The following TOP1 variants were observed in gnomAD, a reference collection of about 807,000 sequenced individuals.
TOP1 encodes the protein DNA topoisomerase I, also known as DNA topoisomerase 1.
In TOP1, 10 loss-of-function variants were observed where a neutral mutation model predicts 111.1. The observed-to-expected ratio is 0.09, with a 90% CI of 0.06 to 0.15. The LOEUF is 0.15. Among genes scored for constraint, TOP1 ranks in the 10% least tolerant of loss-of-function variants. The pLI is 1.00. For missense variants in TOP1, 474 were observed against 926.7 expected (o/e 0.51, Z 6.34); for synonymous variants, 271 against 302.9 (o/e 0.89, Z 1.10).
At chr20:41,037,120 G>A (rs772344861) in intron 2 of TOP1, among the ~76,000 whole-genome samples, 3 of 152,060 alleles carry the variant, frequency 2.0e-5, no homozygotes, top group East Asian at 3.9e-4. Flanking sequence ...ATGAGCCACC[G>A]CGCCAAGCCT....
rs2033621356 is a variant in TOP1 at position 41,067,373 on chromosome 20, C to T, written c.155+5883C>T. Among the ~76,000 whole-genome samples the T allele has an allele frequency of 6.6e-6, 1 of 152,176 alleles. No individual in the cohort carries two copies. On this transcript the variant is annotated intron_variant, in intron 3 of 20. Coordinates refer to ENST00000361337, the MANE Select transcript of TOP1 (RefSeq NM_003286.4). This position sits in a 1 kb window ranked among gnomAD's most constrained non-coding sequence, Gnocchi z 4.0. The stretch of plus-strand genomic sequence containing the variant: ...TGGCCTTGTGATCCTCCTGCCTCAG[C>T]CTCCCAAGGTGCTGGGATTACAGGC...
chr20:41,059,376 G>A (rs2033514731), intron 2 of TOP1, among the ~76,000 whole-genome samples: 1 of 150,688 alleles, frequency 6.6e-6, no homozygotes, highest in Non-Finnish European at 1.5e-5. Flanking sequence ...AGAAAAAAAT[G>A]AACACTGGCC....
Position 41,114,496 on chromosome 20 carries a change from CT to C in TOP1, c.1638+345del, listed in dbSNP as rs2034297709. 1.3e-5 allele frequency among the ~76,000 whole-genome samples: 2 copies of C among 152,190 alleles called. No individual in the cohort carries two copies. The highest frequency in any genetic ancestry group is 4.8e-5 in the African/African-American group (2 of 41,450). ...TATTATTTGATATCTTGTGTACCTC[CT>C]TTTAGTCACTGTTCCGCCCTGTGCT... is the stretch of plus-strand genomic sequence containing the variant. On this transcript the variant is annotated intron_variant, in intron 15 of 20. Transcript: ENST00000361337. The surrounding 1 kb of genome is among the most constrained non-coding windows in gnomAD (Gnocchi z 4.5).
At chr20:41,107,511 T>C (rs957097641) in intron 13 of TOP1, among the ~76,000 whole-genome samples, 4 of 152,244 alleles carry the variant, frequency 2.6e-5, no homozygotes, top group Non-Finnish European at 5.9e-5. Flanking sequence ...ATTCCATCTA[T>C]AATTTATTTC....
Position 41,079,965 on chromosome 20 carries a change from T to C in TOP1, c.336-120T>C. ...AAGTGCTCACAGAACATCTTCATGATATGTACGTGGTTATCCTTATTTCTG... is the reference window on the plus strand; with the variant it reads ...AAGTGCTCACAGAACATCTTCATGACATGTACGTGGTTATCCTTATTTCTG... On this transcript the variant is annotated intron_variant, in intron 5 of 20. Transcript: ENST00000361337. The surrounding 1 kb of genome is among the most constrained non-coding windows in gnomAD (Gnocchi z 4.0). The C allele has an allele frequency of 1.5e-6, 1 of 659,710 alleles. No individual in the cohort carries two copies. The highest frequency in any genetic ancestry group is 2.7e-6 in the Non-Finnish European group (1 of 372,480). 40.9% of individuals were successfully genotyped at this position (659,710 alleles called of 1,614,324 possible). A position where few individuals can be genotyped will look rare whatever the true frequency, so the allele number is the denominator to read the frequency against.
intron 7 of TOP1, among the ~76,000 whole-genome samples, 183 bp downstream of exon 7, chr20:41,081,423 T>G (rs1357912897): frequency 6.6e-6 from 1 of 152,200 alleles, no homozygotes; most frequent in African/African-American, 2.4e-5. Context: ...ATCCCCACAG[T>G]GTCTTAAGTT....
In TOP1 at chr20:41,028,900, C is replaced by G. The variant is rs2033075387; in HGVS notation, c.-168C>G. The G allele has an allele frequency of 1.7e-6, 1 of 576,638 alleles. No homozygotes were observed. The highest frequency in any genetic ancestry group is 3.0e-6 in the Non-Finnish European group (1 of 331,310). 35.7% of individuals were successfully genotyped at this position (576,638 alleles called of 1,614,324 possible). ...CCCGGCAGTCAGGCAGCGTCGCCGC[C>G]GTGGTAGCAGCCTCAGCCGTTTCTG... On this transcript the variant is annotated 5_prime_UTR_variant, in exon 1 of 21. Coordinates refer to ENST00000361337, the MANE Select transcript of TOP1 (RefSeq NM_003286.4).
intron 13 of TOP1, among the ~76,000 whole-genome samples, chr20:41,105,312 A>G (rs1276462368): frequency 2.6e-5 from 4 of 152,192 alleles, no homozygotes. Flanking sequence ...TGTACAACCT[A>G]TTGTAAAATA....
intron 2 of TOP1, among the ~76,000 whole-genome samples, chr20:41,060,923 A>G (rs2033536945): frequency 6.6e-6 from 1 of 152,134 alleles, no homozygotes; most frequent in African/African-American, 2.4e-5. Flanking sequence ...GGTTGAATCT[A>G]TGGTGCTGAA....
intron 2 of TOP1, among the ~76,000 whole-genome samples, chr20:41,033,631 A>G (rs1386793265): frequency 6.6e-6 from 1 of 152,302 alleles, no homozygotes. Context: ...TGCTAATGGT[A>G]TGGAAAATGA....
Position 41,097,403 on chromosome 20 carries a change from A to C in TOP1, c.852+62A>C. ...CAAAACAATCAAGTACTAAGTAATA[A>C]ATTATCATTTTGCAAAACATTTCCT... On this transcript the variant is annotated intron_variant, in intron 10 of 20. Transcript: ENST00000361337. This position sits in a 1 kb window ranked among gnomAD's most constrained non-coding sequence, Gnocchi z 4.2. 6.8e-7 allele frequency: 1 copy of C among 1,467,186 alleles called. No homozygotes were observed. The highest frequency in any genetic ancestry group is 1.4e-5 in the African/African-American group (1 of 69,362). The allele number at this position is 1,467,186 out of a possible 1,614,324, so 90.9% of individuals were successfully genotyped here.
At chr20:41,075,552 C>T (rs2033717179) in intron 3 of TOP1, among the ~76,000 whole-genome samples, 1 of 152,216 alleles carries the variant, frequency 6.6e-6, no homozygotes, top group Non-Finnish European at 1.5e-5. Flanking sequence ...AAGCTATGAA[C>T]ATTTTCATGG....
At chr20:41,063,890 C>G (rs2033576131) in intron 3 of TOP1, among the ~76,000 whole-genome samples, 1 of 152,086 alleles carries the variant, frequency 6.6e-6, no homozygotes, top group South Asian at 2.1e-4. Context: ...TGTAAGTTGT[C>G]TGTTAACTCT....
chr20:41,085,198 G>T (rs1425072580), intron 8 of TOP1, among the ~76,000 whole-genome samples: 3 of 152,030 alleles, frequency 2.0e-5, no homozygotes, highest in Admixed American at 6.5e-5. Context: ...CAGAATGTGA[G>T]GAACAGTCAG....
intron 8 of TOP1, among the ~76,000 whole-genome samples, chr20:41,086,305 C>T (rs1163565806): frequency 6.6e-6 from 1 of 151,270 alleles, no homozygotes; most frequent in Non-Finnish European, 1.5e-5. Context: ...GGTTTATTTT[C>T]CTCATTTTTA....
intron 7 of TOP1, among the ~76,000 whole-genome samples, chr20:41,081,964 A>G (rs1167008428): frequency 6.6e-6 from 1 of 152,220 alleles, no homozygotes; most frequent in Non-Finnish European, 1.5e-5. Context: ...TGCTTGTGGT[A>G]GATTGAAAAT....
intron 8 of TOP1, among the ~76,000 whole-genome samples, chr20:41,085,865 C>T (rs1039490070): frequency 6.6e-6 from 1 of 152,174 alleles, no homozygotes; most frequent in Non-Finnish European, 1.5e-5. Context: ...ACGGTGACAG[C>T]TATGTGATTC....
intron 8 of TOP1, among the ~76,000 whole-genome samples, chr20:41,091,785 C>T (rs560713851): frequency 3.3e-5 from 5 of 152,012 alleles, no homozygotes; most frequent in Admixed American, 2.0e-4. Flanking sequence ...ACCTGGATCA[C>T]GACCTCCTGA....
intron 2 of TOP1, among the ~76,000 whole-genome samples, chr20:41,053,542 T>C (rs956801776): frequency 2.0e-5 from 3 of 152,078 alleles, no homozygotes; most frequent in Non-Finnish European, 4.4e-5. Flanking sequence ...AGCAGAAAAA[T>C]AGAAAATCTT....
Sources: gnomAD v4.1 joint callset for allele counts (sites outside exome capture counted in the v4.1 genomes callset) on GRCh38, gnomAD v4.1.1 for gene constraint, Gnocchi (gnomAD v3.1) non-coding constraint, MANE v1.5 for transcripts, NCBI Gene and HGNC (gene_info 2026-07-23, HGNC 2026-07-21) for gene names.